The following LOC400499 variants were observed in gnomAD, a reference collection of about 807,000 sequenced individuals.
At chr16:11,523,688 G>A in the LOC400499 span, 2 of 371,874 alleles carry the variant, frequency 5.4e-6, no homozygotes, top group Non-Finnish European at 9.5e-6. Flanking sequence ...TTCATCTTGG[G>A]TACTGGCACC....
chr16:11,391,187 G>C, the LOC400499 span, among the ~76,000 whole-genome samples: 1 of 152,228 alleles, frequency 6.6e-6, no homozygotes, highest in African/African-American at 2.4e-5. Context: ...GCTGGGCAGG[G>C]CCTTGGGGGC....
the LOC400499 span, among the ~76,000 whole-genome samples, chr16:11,381,403 C>G: frequency 6.6e-6 from 1 of 151,964 alleles, no homozygotes; most frequent in African/African-American, 2.4e-5. Context: ...ACCTGCCCTA[C>G]TTTTGAGCTT....
At chr16:11,462,609 G>A in the LOC400499 span, among the ~76,000 whole-genome samples, 5 of 152,070 alleles carry the variant, frequency 3.3e-5, no homozygotes, top group Non-Finnish European at 5.9e-5. Context: ...TTTTAGTAGA[G>A]ATGGAGTTTC....
the LOC400499 span, among the ~76,000 whole-genome samples, chr16:11,462,851 C>G: frequency 1.3e-5 from 2 of 152,194 alleles, no homozygotes; most frequent in Admixed American, 1.3e-4. Flanking sequence ...GAACTTGAGT[C>G]AACTGTCCCT....
At chr16:11,462,103 G>A in the LOC400499 span, 1 of 1,479,320 alleles carries the variant, frequency 6.8e-7, no homozygotes, top group Non-Finnish European at 9.0e-7. Context: ...GACAGAAGGG[G>A]TCTCATCTCC....
At chr16:11,447,773 G>A in the LOC400499 span, among the ~76,000 whole-genome samples, 2 of 152,102 alleles carry the variant, frequency 1.3e-5, no homozygotes, top group East Asian at 1.9e-4. Flanking sequence ...GAGCTTTCAG[G>A]GGAGGTGGCT....
chr16:11,406,420 C>A, the LOC400499 span, among the ~76,000 whole-genome samples: 1 of 152,164 alleles, frequency 6.6e-6, no homozygotes, highest in African/African-American at 2.4e-5. Context: ...GCCCCTCCCC[C>A]AGAGATTTCT....
At chr16:11,420,707 G>C in the LOC400499 span, among the ~76,000 whole-genome samples, 1 of 150,712 alleles carries the variant, frequency 6.6e-6, no homozygotes, top group South Asian at 2.1e-4. Flanking sequence ...CAGACGGGGA[G>C]AGGGCACCCT....
chr16:11,424,782 G>A, the LOC400499 span, among the ~76,000 whole-genome samples: 11 of 152,126 alleles, frequency 7.2e-5, no homozygotes, highest in African/African-American at 2.2e-4. Flanking sequence ...TCATAGCTGC[G>A]GTCCCAGAGG....
At chr16:11,512,957 G>A in the LOC400499 span, among the ~76,000 whole-genome samples, 5 of 152,132 alleles carry the variant, frequency 3.3e-5, no homozygotes, top group African/African-American at 9.7e-5. Context: ...AGGGGGTGCC[G>A]GGAGCCTGCC....
chr16:11,422,766 C>G, the LOC400499 span, among the ~76,000 whole-genome samples: 1 of 152,204 alleles, frequency 6.6e-6, no homozygotes, highest in African/African-American at 2.4e-5. Context: ...TGCTTCCTGC[C>G]TGCACCCTCG....
At chr16:11,456,730 G>C in the LOC400499 span, 3 of 1,174,924 alleles carry the variant, frequency 2.6e-6, no homozygotes, top group East Asian at 2.5e-5. Flanking sequence ...GCCTGGCCCA[G>C]TTTGAGTCTT....
chr16:11,478,330 A>G, the LOC400499 span, among the ~76,000 whole-genome samples: 2 of 151,886 alleles, frequency 1.3e-5, no homozygotes, highest in Non-Finnish European at 2.9e-5. Context: ...GCCGAACCAG[A>G]TATTTTGTTA....
At chr16:11,470,072 T>G in the LOC400499 span, among the ~76,000 whole-genome samples, 101 of 152,264 alleles carry the variant, frequency 6.6e-4, 1 homozygote, top group Middle Eastern at 3.4e-3. Context: ...CCAGTTTTTT[T>G]TTGTTGTTGT....
chr16:11,457,063 G>T, the LOC400499 span: 2 of 1,497,658 alleles, frequency 1.3e-6, no homozygotes, highest in Non-Finnish European at 1.8e-6. Context: ...ACCCCCCCAA[G>T]ATGCCAATGG....
chr16:11,388,706 C>G, the LOC400499 span, among the ~76,000 whole-genome samples: 20 of 152,318 alleles, frequency 1.3e-4, no homozygotes, highest in African/African-American at 3.8e-4. Flanking sequence ...CAGAGACCAG[C>G]TGAGCCCCAC....
chr16:11,431,012 C>T, the LOC400499 span: 5 of 398,962 alleles, frequency 1.3e-5, no homozygotes, highest in Non-Finnish European at 2.2e-5. Context: ...GCCGCTGCCC[C>T]CATGGCGTTC....
the LOC400499 span, among the ~76,000 whole-genome samples, chr16:11,447,578 A>G: frequency 6.6e-6 from 1 of 152,150 alleles, no homozygotes; most frequent in Non-Finnish European, 1.5e-5. Context: ...TGCTCAATGC[A>G]TAGCCCGCAG....
At chr16:11,388,428 T>C in the LOC400499 span, among the ~76,000 whole-genome samples, 2 of 152,162 alleles carry the variant, frequency 1.3e-5, no homozygotes, top group Non-Finnish European at 2.9e-5. Context: ...CACAGAGCAC[T>C]GAGGCAGAGG....
Sources: gnomAD v4.1 joint callset for allele counts (sites outside exome capture counted in the v4.1 genomes callset) on GRCh38, gnomAD v4.1.1 for gene constraint, MANE v1.5 for transcripts.